Variants in IGFN1 observed in about 807,000 individuals in gnomAD.
The protein encoded by IGFN1 is immunoglobulin like and fibronectin type III domain containing 1, also known as immunoglobulin-like and fibronectin type III domain-containing protein 1.
In IGFN1, 253 loss-of-function variants were observed where a neutral mutation model predicts 289.5. The observed-to-expected ratio is 0.87, with a 90% CI of 0.79 to 0.97. IGFN1 has a LOEUF of 0.97. Among genes scored for constraint, IGFN1 ranks in the 50% least tolerant of loss-of-function variants. The probability of loss-of-function intolerance (pLI) is 0.00; values close to 1 mark genes in which losing one functional copy is unlikely to be tolerated. For missense variants in IGFN1, 4,470 were observed against 4,686.1 expected, an observed-to-expected ratio of 0.95 and a Z score of 1.35; for synonymous variants, 1,706 against 1,788.5, an observed-to-expected ratio of 0.95 and a Z score of 1.16.
chr1:201,193,325 C>T (rs1159082918), intron 2 of IGFN1, 25 bp downstream of exon 2: 2 of 1,527,068 alleles, frequency 1.3e-6, no homozygotes, highest in Non-Finnish European at 1.8e-6. Context: ...AATCTCCCCT[C>T]CCCAGCCCTC....
At chr1:201,219,829 T>A (rs1335115414) in intron 18 of IGFN1, among the ~76,000 whole-genome samples, 2 of 152,214 alleles carry the variant, frequency 1.3e-5, no homozygotes, top group African/African-American at 4.8e-5. Flanking sequence ...GGACATGGAA[T>A]GGAGGGATGG....
At chr1:201,195,204 T>C (rs888833879) in intron 3 of IGFN1, among the ~76,000 whole-genome samples, 3 of 151,764 alleles carry the variant, frequency 2.0e-5, no homozygotes, top group African/African-American at 4.8e-5. Context: ...CAGGCTGGAG[T>C]GCAGTGGCGC....
intron 16 of IGFN1, among the ~76,000 whole-genome samples, chr1:201,216,990 C>T (rs1025635711): frequency 3.9e-5 from 6 of 152,122 alleles, no homozygotes; most frequent in South Asian, 4.1e-4. Context: ...AGCCCACTGT[C>T]GCGGGTCCCA....
Position 201,207,825 on chromosome 1 carries a change from G to A in IGFN1, c.2932G>A (p.Gly978Arg). The change falls in exon 12 of 24, where the codon GGG becomes AGG. Residue 978 changes from glycine (G) to arginine (R), a missense_variant. Gly to Arg is a moderately radical substitution (Grantham distance 125). This residue lies in a region of IGFN1 where 2,011 missense variants were observed against 1,953.4 expected (regional missense o/e 1.03). Coordinates refer to ENST00000335211, the MANE Select transcript of IGFN1 (RefSeq NM_001164586.2). ...KSGAGYSYGSGVPGEMGSGHG... is the reference protein window; with the variant it reads ...KSGAGYSYGSRVPGEMGSGHG... ...CGGGGCTGGTTATAGCTATGGCTCAGGGGTTCCAGGAGAAATGGGGTCCGG... is the reference window on the plus strand; with the variant it reads ...CGGGGCTGGTTATAGCTATGGCTCAAGGGTTCCAGGAGAAATGGGGTCCGG... 2 of 1,536,002 alleles carry A rather than the reference G, an allele frequency of 1.3e-6. No homozygotes were observed. Among genetic ancestry groups the A allele is most frequent in the Non-Finnish European group, 1.7e-6 (2 of 1,146,218 alleles).
At chr1:201,225,622 G>A (rs1277225502) in intron 21 of IGFN1, among the ~76,000 whole-genome samples, 1 of 152,152 alleles carries the variant, frequency 6.6e-6, no homozygotes, top group Non-Finnish European at 1.5e-5. Flanking sequence ...ACACTGAAGT[G>A]AATTAAAATT....
At position 201,227,028 on chromosome 1, in the gene IGFN1, G is replaced by A. The variant is rs777017565; in HGVS notation, c.10933G>A (p.Val3645Ile). Residue 3645 changes from valine to isoleucine, a missense_variant, in exon 23 of 24, where the codon GTC (valine) becomes ATC (isoleucine). Around this residue, in one of 8 missense-constraint regions of IGFN1, gnomAD observed 2,218 missense variants for 2,114.1 expected, o/e 1.05. Transcript: ENST00000335211. ...CGTGCAGGGCTCGCCCCGGCCCCAC[G>A]TCACCTGGTTCAAGAATGACCGCAG... ...CAVQGSPRPH[V>I]TWFKNDRSLE... 4.3e-5 allele frequency: 69 copies of A among 1,613,430 alleles called. No individual in the cohort carries two copies. The highest frequency in any genetic ancestry group is 1.6e-4 in the Middle Eastern group (1 of 6,084).
chr1:201,214,196 C>T lies in IGFN1; in HGVS notation c.8748C>T (p.Ser2916=), dbSNP rs1571475218. 2.5e-6 allele frequency: 4 copies of T among 1,613,190 alleles called. No homozygotes were observed. Among genetic ancestry groups the T allele is most frequent in the Non-Finnish European group, 3.4e-6 (4 of 1,179,574 alleles). Residue 2916 remains serine (S), a synonymous_variant, in exon 13 of 24, where the codon TCC becomes TCT. Coordinates refer to ENST00000335211, the MANE Select transcript of IGFN1 (RefSeq NM_001164586.2). ...KDAQGPMGHF[S]QGLADMEVQP... ...CTCCAGGCCCCATGGGCCACTTCTC[C>T]CAGGGCCTGGCTGACATGGAAGTGC...
chr1:201,226,816 A>T (rs1204263081), intron 22 of IGFN1, 66 bp from the exon 23 acceptor site: 1 of 1,258,830 alleles, frequency 7.9e-7, no homozygotes, highest in Non-Finnish European at 1.1e-6. Flanking sequence ...CTTTACCCAG[A>T]CCCGGGTCTC....
chr1:201,194,383 C>G, intron 3 of IGFN1, 110 bp downstream of exon 3: 1 of 1,218,536 alleles, frequency 8.2e-7, no homozygotes, highest in Non-Finnish European at 1.1e-6. Flanking sequence ...CTATATCCAT[C>G]ACTAGGCCAT....
In IGFN1 at chr1:201,208,411, C is replaced by CTAAG; in HGVS notation, c.3519_3522dup (p.Ala1175Ter). ...GGGGATGGGACAAGATGCCCTGGTG[C>CTAAG]TAAGGCCTCTGGAGCTGGAGCTGGT... On this transcript the variant is annotated frameshift_variant, in exon 12 of 24. Transcript: ENST00000335211. LOFTEE classifies it high-confidence loss of function. 6.9e-7 allele frequency: 1 copy of CTAAG among 1,448,832 alleles called. No homozygotes were observed. The highest frequency in any genetic ancestry group is 1.5e-5 in the South Asian group (1 of 67,486). 89.7% of individuals were successfully genotyped at this position (1,448,832 alleles called of 1,614,324 possible).
chr1:201,208,249 G>A lies in IGFN1; in HGVS notation c.3356G>A (p.Gly1119Asp), dbSNP rs1275308141. 1.3e-6 allele frequency: 2 copies of A among 1,536,282 alleles called. No homozygotes were observed. ...PESSGRIRPWGQTGNYGGFRA... is the reference protein window; with the variant it reads ...PESSGRIRPWDQTGNYGGFRA... Reference sequence around the variant, plus strand: ...AGCTCTGGAAGAATAAGGCCTTGGGGTCAGACTGGAAATTATGGGGGCTTC... The same window carrying A: ...AGCTCTGGAAGAATAAGGCCTTGGGATCAGACTGGAAATTATGGGGGCTTC... The change falls in exon 12 of 24, where the codon GGT (glycine) becomes GAT (aspartate). Residue 1119 changes from glycine (G) to aspartate (D), a missense_variant. Physicochemically the swap from Gly to Asp is moderately conservative, Grantham distance 94. Around this residue, in one of 8 missense-constraint regions of IGFN1, gnomAD observed 2,011 missense variants for 1,953.4 expected, o/e 1.03. Transcript: ENST00000335211.
intron 4 of IGFN1, among the ~76,000 whole-genome samples, chr1:201,196,405 C>T (rs1226561245): frequency 6.6e-6 from 1 of 152,178 alleles, no homozygotes; most frequent in Non-Finnish European, 1.5e-5. Flanking sequence ...AGTGCAATGG[C>T]GTGATCTTGG....
chr1:201,213,635 T>G lies in IGFN1; in HGVS notation c.8728+14T>G. ...AGGATGCCCAAGGTAGGTGCTTCTC[T>G]GCTGAGCTGGCTCCCATGGGCTAGA... On this transcript the variant is annotated intron_variant, in intron 12 of 23. Transcript: ENST00000335211. 6.2e-7 allele frequency: 1 copy of G among 1,608,310 alleles called. No individual in the cohort carries two copies. The highest frequency in any genetic ancestry group is 1.7e-5 in the Admixed American group (1 of 59,882).
At chr1:201,220,932 C>T (rs905191319) in intron 18 of IGFN1, among the ~76,000 whole-genome samples, 6 of 152,176 alleles carry the variant, frequency 3.9e-5, no homozygotes. Context: ...CCCTTTCACA[C>T]TCATTGTGCT....
In IGFN1 at chr1:201,213,548, G is replaced by T. The variant is rs1224128130; in HGVS notation, c.8655G>T (p.Glu2885Asp). The change falls in exon 12 of 24, where the codon GAG becomes GAT. Residue 2885 changes from glutamate to aspartate, a missense_variant. This residue lies in a region of IGFN1 where 2,218 missense variants were observed against 2,114.1 expected (regional missense o/e 1.05). Transcript: ENST00000335211. ...ACGGCAGGTTGGACATCTATGGAGA[G>T]AGGAGAGATGCTACCCGGAGTTCCA... is the stretch of plus-strand genomic sequence containing the variant. ...GKDGRLDIYGERRDATRSSTS... is the reference protein window; with the variant it reads ...GKDGRLDIYGDRRDATRSSTS... 6.2e-7 allele frequency: 1 copy of T among 1,613,938 alleles called. No homozygotes were observed. The highest frequency in any genetic ancestry group is 2.2e-5 in the East Asian group (1 of 44,888).
In IGFN1 at chr1:201,199,672, C is replaced by A; in HGVS notation, c.458+18C>A. 1 of 1,550,290 alleles carries A rather than the reference C, an allele frequency of 6.5e-7. No homozygotes were observed. Among genetic ancestry groups the A allele is most frequent in the Non-Finnish European group, 8.7e-7 (1 of 1,146,040 alleles). Reference sequence around the variant, plus strand: ...AAAAAGAGGTGGGTTTGGGCCTGTCCATGAGGGATTTTGGAGGCTCCCATA... The same window carrying A: ...AAAAAGAGGTGGGTTTGGGCCTGTCAATGAGGGATTTTGGAGGCTCCCATA... On this transcript the variant is annotated intron_variant, in intron 7 of 23. Coordinates refer to ENST00000335211, the MANE Select transcript of IGFN1 (RefSeq NM_001164586.2).
In IGFN1 at chr1:201,197,309, T is replaced by C; in HGVS notation, c.359T>C (p.Val120Ala). 1.9e-6 allele frequency: 3 copies of C among 1,546,260 alleles called. No homozygotes were observed. The highest frequency in any genetic ancestry group is 2.6e-6 in the Non-Finnish European group (3 of 1,142,278). ...GCCGCTTGCTCAGTGAGACTCACTG[T>C]CATCGAAGGTGGGCTTTTCCCTGAG... ...GEAACSVRLT[V>A]IEVGFRKNRK... is the part of the protein sequence containing the mutation. The change falls in exon 5 of 24, where the codon GTC becomes GCC. Residue 120 changes from valine (V) to alanine (A), a missense_variant. Val to Ala is a moderately conservative substitution (Grantham distance 64). Around this residue, in one of 8 missense-constraint regions of IGFN1, gnomAD observed 2,011 missense variants for 1,953.4 expected, o/e 1.03. Transcript: ENST00000335211.
At chr1:201,223,067 A>G in intron 20 of IGFN1, 1 of 375,322 alleles carries the variant, frequency 2.7e-6, no homozygotes, top group Non-Finnish European at 4.8e-6. Flanking sequence ...AGGCCTGCAA[A>G]TCCCTCTAGT....
In IGFN1 at chr1:201,212,620, G is replaced by A. The variant is rs1013435706; in HGVS notation, c.7727G>A (p.Gly2576Glu). Reference protein sequence around the residue: ...VAGQGGLASQGGGDSLLGGRR... With the variant: ...VAGQGGLASQEGGDSLLGGRR... ...GGCCAGGGGGGGTTGGCATCTCAGGGAGGTGGGGACTCACTTTTGGGAGGC... is the reference window on the plus strand; with the variant it reads ...GGCCAGGGGGGGTTGGCATCTCAGGAAGGTGGGGACTCACTTTTGGGAGGC... Residue 2576 changes from glycine (G) to glutamate (E), a missense_variant, in exon 12 of 24, where the codon GGA becomes GAA. Gly to Glu is a moderately conservative substitution (Grantham distance 98). Transcript: ENST00000335211. The A allele has an allele frequency of 3.2e-6, 5 of 1,543,968 alleles. No homozygotes were observed. The African/African-American group carries it at 5.5e-5, about 17-fold the overall frequency.
Sources: gnomAD v4.1 joint callset for allele counts (sites outside exome capture counted in the v4.1 genomes callset) on GRCh38, gnomAD v4.1.1 for gene constraint, gnomAD v4.1.1 regional missense constraint, MANE v1.5 for transcripts, NCBI Gene and HGNC (gene_info 2026-07-23, HGNC 2026-07-21) for gene names.